Variants in RANBP3L observed in about 807,000 individuals in gnomAD.
The protein encoded by RANBP3L is RAN binding protein 3 like.
RANBP3L carries 56 observed loss-of-function variants against 67.2 expected under a neutral mutation model. The observed-to-expected ratio is 0.83, with a 90% CI of 0.67 to 1.04. The LOEUF is 1.04. RANBP3L is among the 50% of genes least tolerant of loss of function. RANBP3L has a pLI of 0.00. For missense variants in RANBP3L, 496 were observed against 535.5 expected, an observed-to-expected ratio of 0.93 and a Z score of 0.73; for synonymous variants, 164 against 181.4, an observed-to-expected ratio of 0.90 and a Z score of 0.77.
At chr5:36,257,211 G>T in intron 9 of RANBP3L, 140 bp from the exon 10 acceptor site, 2 of 724,032 alleles carry the variant, frequency 2.8e-6, no homozygotes, top group Non-Finnish European at 2.1e-6. Flanking sequence ...TGCTTGAGTT[G>T]GTGTAAAATC....
At chr5:36,288,293 G>T (rs1317482471) in intron 1 of RANBP3L, among the ~76,000 whole-genome samples, 1 of 152,062 alleles carries the variant, frequency 6.6e-6, no homozygotes, top group Non-Finnish European at 1.5e-5. Context: ...CACCTACATG[G>T]TTACATGTAT....
intron 10 of RANBP3L, 46 bp from the exon 11 acceptor site, chr5:36,255,636 C>A: frequency 1.4e-6 from 2 of 1,432,476 alleles, no homozygotes; most frequent in South Asian, 1.2e-5. Context: ...AAAATTTTTT[C>A]AAAGTAAATT....
At chr5:36,257,104 T>C (rs1194145450) in intron 9 of RANBP3L, 33 bp from the exon 10 acceptor site, 2 of 1,581,678 alleles carry the variant, frequency 1.3e-6, no homozygotes, top group Non-Finnish European at 1.7e-6. Flanking sequence ...CACTTAAAAG[T>C]CCCCATTTTC....
At chr5:36,262,293 G>T (rs73081942) in intron 6 of RANBP3L, among the ~76,000 whole-genome samples, 12,011 of 152,098 alleles carry the variant, frequency 0.079, 1,633 homozygotes, top group African/African-American at 0.28. Flanking sequence ...ATACAGTGGC[G>T]ATCTGTCTAA....
At chr5:36,269,002 G>A (rs948003399) in intron 4 of RANBP3L, among the ~76,000 whole-genome samples, 7 of 152,080 alleles carry the variant, frequency 4.6e-5, no homozygotes, top group Non-Finnish European at 2.9e-5. Context: ...GAGCCACCGC[G>A]CCCAGCCTGT....
At chr5:36,265,623 CAAT>C in intron 4 of RANBP3L, 103 bp from the exon 5 acceptor site, 5 of 636,880 alleles carry the variant, frequency 7.9e-6, no homozygotes, top group Non-Finnish European at 1.4e-5. Flanking sequence ...GCAGATGTCG[CAAT>C]TGGCACTAAC....
rs1341188811 is a variant in RANBP3L, at chr5:36,248,319, TAA to T, written c.*1333_*1334del. The T allele has an allele frequency of 1.3e-5, 2 of 152,230 alleles. No homozygotes were observed. The highest frequency in any genetic ancestry group is 4.8e-5 in the African/African-American group (2 of 41,468). 9.4% of individuals were successfully genotyped at this position (152,230 alleles called of 1,614,324 possible). A position where few individuals can be genotyped will look rare whatever the true frequency, so the allele number is the denominator to read the frequency against. On this transcript the variant is annotated 3_prime_UTR_variant, in exon 14 of 14. Coordinates refer to ENST00000296604, the MANE Select transcript of RANBP3L (RefSeq NM_145000.5). Reference sequence around the variant, plus strand: ...AATGGGCCTCTCTTAGTAGTTATATTAAGTTATGCTTTCTCAGTTATAAGGAA... The same window carrying T: ...AATGGGCCTCTCTTAGTAGTTATATTGTTATGCTTTCTCAGTTATAAGGAA...
chr5:36,278,978 A>C (rs2111989053), intron 1 of RANBP3L, among the ~76,000 whole-genome samples: 1 of 152,316 alleles, frequency 6.6e-6, no homozygotes, highest in Admixed American at 6.5e-5. Flanking sequence ...TGGAAGCATA[A>C]ACTACATCAA....
intron 1 of RANBP3L, among the ~76,000 whole-genome samples, chr5:36,278,293 G>C (rs978111215): frequency 1.3e-4 from 19 of 151,932 alleles, no homozygotes; most frequent in Non-Finnish European, 2.5e-4. Context: ...TCCAAATTCA[G>C]ATGTGGCCCA....
chr5:36,273,985 C>G (rs1750404012), intron 1 of RANBP3L, among the ~76,000 whole-genome samples: 1 of 152,200 alleles, frequency 6.6e-6, no homozygotes, highest in African/African-American at 2.4e-5. Flanking sequence ...GCCAACTCTT[C>G]AAATAGAGGA....
intron 1 of RANBP3L, among the ~76,000 whole-genome samples, chr5:36,281,570 G>T (rs920866231): frequency 6.6e-6 from 1 of 152,138 alleles, no homozygotes; most frequent in African/African-American, 2.4e-5. Context: ...CCTGGGCTAT[G>T]ATGGCTCTTT....
chr5:36,299,633 A>C (rs1180904355), intron 1 of RANBP3L, among the ~76,000 whole-genome samples: 3 of 152,158 alleles, frequency 2.0e-5, no homozygotes, highest in Admixed American at 2.0e-4. Context: ...GAAGAAAATA[A>C]TCCCATATCA....
chr5:36,249,726 A>C, intron 13 of RANBP3L, 29 bp from the exon 14 acceptor site: 1 of 1,263,642 alleles, frequency 7.9e-7, no homozygotes, highest in Admixed American at 1.9e-5. Context: ...ATGTTTTATT[A>C]TACAATATTA....
In RANBP3L at chr5:36,273,553, G is replaced by C. The variant is rs558296587; in HGVS notation, c.92-2242C>G. Among the ~76,000 whole-genome samples the C allele has an allele frequency of 3.9e-5, 6 of 152,250 alleles. No homozygotes were observed. In the South Asian group the frequency reaches 1.0e-3, roughly 26 times the overall value. ...CTGCCCAGAACTTGGTTAGCAAAGAGATAACCTTCATACTTCTTCCACCTA... is the reference window on the plus strand; with the variant it reads ...CTGCCCAGAACTTGGTTAGCAAAGACATAACCTTCATACTTCTTCCACCTA... On this transcript the variant is annotated intron_variant, in intron 1 of 13. Coordinates refer to ENST00000296604, the MANE Select transcript of RANBP3L (RefSeq NM_145000.5).
At chr5:36,276,617 T>C (rs1390247875) in intron 1 of RANBP3L, among the ~76,000 whole-genome samples, 5 of 152,172 alleles carry the variant, frequency 3.3e-5, no homozygotes, top group Non-Finnish European at 7.4e-5. Flanking sequence ...ATGTACTATA[T>C]ACCCCCCCTA....
chr5:36,283,892 C>T (rs969231202), intron 1 of RANBP3L, among the ~76,000 whole-genome samples: 2 of 152,126 alleles, frequency 1.3e-5, no homozygotes, highest in East Asian at 3.9e-4. Flanking sequence ...GTTATTTCAG[C>T]TTCAGCCCAT....
chr5:36,296,599 G>C (rs1752234618), intron 1 of RANBP3L, among the ~76,000 whole-genome samples: 1 of 152,158 alleles, frequency 6.6e-6, no homozygotes, highest in Admixed American at 6.6e-5. Flanking sequence ...CCTTGGAAGA[G>C]TCATCTTGAC....
intron 1 of RANBP3L, among the ~76,000 whole-genome samples, chr5:36,276,059 C>G (rs1218993794): frequency 1.3e-5 from 2 of 152,158 alleles, no homozygotes; most frequent in Non-Finnish European, 2.9e-5. Flanking sequence ...TTGAATTATC[C>G]TGCCCAGCAA....
intron 1 of RANBP3L, among the ~76,000 whole-genome samples, chr5:36,299,082 CAAAA>C (rs34418838): frequency 2.0e-5 from 3 of 151,896 alleles, no homozygotes; most frequent in Admixed American, 2.0e-4. Context: ...ACAAAGCAGG[CAAAA>C]AAACGTGAAA....
Sources: gnomAD v4.1 joint callset for allele counts (sites outside exome capture counted in the v4.1 genomes callset) on GRCh38, gnomAD v4.1.1 for gene constraint, MANE v1.5 for transcripts, NCBI Gene and HGNC (gene_info 2026-07-23, HGNC 2026-07-21) for gene names.